HIVEP3: variants seen among roughly 807,000 people sequenced by gnomAD.
HIVEP3 encodes the protein transcription factor HIVEP3.
In HIVEP3, 49 loss-of-function variants were observed where a neutral mutation model predicts 152.8. The ratio of observed to expected loss-of-function variants is 0.32; its 90% confidence interval spans 0.26 to 0.41. The LOEUF (loss-of-function observed/expected upper bound fraction) is 0.41, where lower values mean the gene tolerates loss of function less well. Ranked by LOEUF, HIVEP3 falls within the 10% of genes least tolerant of loss-of-function variation. HIVEP3 has a pLI of 1.00. For synonymous variants in HIVEP3, 1,269 were observed against 1,289.0 expected, an observed-to-expected ratio of 0.98 and a Z score of 0.33; for missense variants, 2,790 against 3,103.3, an observed-to-expected ratio of 0.90 and a Z score of 2.40.
chr1:41,527,718 G>A lies in HIVEP3; in HGVS notation c.5208-2808C>T, dbSNP rs565872882. On this transcript the variant is annotated intron_variant, in intron 5 of 8. Coordinates refer to ENST00000372583, the MANE Select transcript of HIVEP3 (RefSeq NM_024503.5). ...CCCTCACACACCCCCACCCTCACAT[G>A]CTCACCCTCACACATGCACCCTACA... is the stretch of plus-strand genomic sequence containing the variant. Among the ~76,000 whole-genome samples, 12 of 96,512 alleles carry A rather than the reference G, an allele frequency of 1.2e-4. 1 individual carries two copies. In the South Asian group the frequency reaches 4.7e-3, roughly 37 times the overall value. The allele number at this position is 96,512 out of a possible 152,430, so 63.3% of individuals were successfully genotyped here.
Position 41,665,707 on chromosome 1 carries a change from T to TACACACAC in HIVEP3, c.-721+35201_-721+35208dup, listed in dbSNP as rs10530354. On this transcript the variant is annotated intron_variant, in intron 2 of 8. Transcript: ENST00000372583. ...AATGCTTGTTTCCACGGAAATGTTA[T>TACACACAC]ACACACACACACACACACACACACA... 4.5e-3 allele frequency among the ~76,000 whole-genome samples: 571 copies of TACACACAC among 128,010 alleles called. 9 individuals are homozygous for TACACACAC. Among genetic ancestry groups the TACACACAC allele is most frequent in the African/African-American group, 8.4e-3 (271 of 32,180 alleles). 84.0% of individuals were successfully genotyped at this position (128,010 alleles called of 152,430 possible).
At chr1:41,971,570 G>C (rs940150532) in intron 1 of HIVEP3, among the ~76,000 whole-genome samples, 1 of 152,114 alleles carries the variant, frequency 6.6e-6, no homozygotes, top group African/African-American at 2.4e-5. Flanking sequence ...AGCTGGCTTG[G>C]GAGCTCCAGT....
chr1:41,941,223 T>G (rs1645044271), intron 1 of HIVEP3, among the ~76,000 whole-genome samples: 1 of 151,934 alleles, frequency 6.6e-6, no homozygotes, highest in African/African-American at 2.4e-5. Context: ...GTGGGTAGAG[T>G]AGGGCAAGCA....
At chr1:41,603,183 C>T (rs1644771010) in intron 3 of HIVEP3, among the ~76,000 whole-genome samples, 1 of 152,086 alleles carries the variant, frequency 6.6e-6, no homozygotes, top group African/African-American at 2.4e-5. Flanking sequence ...TCTCCTGCCC[C>T]AGCCTCCTGA....
At position 41,511,185 on chromosome 1, in the gene HIVEP3, C is replaced by T; in HGVS notation, c.6487G>A (p.Asp2163Asn). 1 of 1,614,116 alleles carries T rather than the reference C, an allele frequency of 6.2e-7. No individual in the cohort carries two copies. The highest frequency in any genetic ancestry group is 8.5e-7 in the Non-Finnish European group (1 of 1,180,028). Reference sequence around the variant, plus strand: ...CGGGCCAGGATGTGGCCGTGGAAGTCATGGAGGGCGGAGAAGGGTCGGGAG... The same window carrying T: ...CGGGCCAGGATGTGGCCGTGGAAGTTATGGAGGGCGGAGAAGGGTCGGGAG... Reference protein sequence around the residue: ...LSSRPFSALHDFHGHILARTE... With the variant: ...LSSRPFSALHNFHGHILARTE... The change falls in exon 9 of 9, where the codon GAC becomes AAC. Residue 2163 changes from aspartate (D) to asparagine (N), a missense_variant. Around this residue, in one of 9 missense-constraint regions of HIVEP3, gnomAD observed 816 missense variants for 806.5 expected, o/e 1.01. Coordinates refer to ENST00000372583, the MANE Select transcript of HIVEP3 (RefSeq NM_024503.5). The surrounding 1 kb of genome is among the most constrained non-coding windows in gnomAD (Gnocchi z 4.9).
In HIVEP3 at chr1:41,976,025, T is replaced by C. The variant is rs148283231; in HGVS notation, n.120-57501A>G. ...AGCACGTACCAAACTCAGAAATTCA[T>C]CTCAAAACTAGTGGTTTCATCCACT... On this transcript the variant is annotated intron_variant and non_coding_transcript_variant, in intron 1 of 3. Transcript: ENST00000489103. Among the ~76,000 whole-genome samples the C allele has an allele frequency of 7.9e-5, 12 of 152,324 alleles. No homozygotes were observed. The East Asian group carries it at 2.1e-3, about 27-fold the overall frequency.
chr1:41,862,178 T>C (rs187186456), intron 1 of HIVEP3, among the ~76,000 whole-genome samples: 7 of 152,260 alleles, frequency 4.6e-5, no homozygotes, highest in Admixed American at 3.9e-4. Context: ...GCTTCCTCAT[T>C]TCAAAGGGGA....
intron 1 of HIVEP3, among the ~76,000 whole-genome samples, chr1:41,719,752 A>G (rs1172897970): frequency 6.6e-6 from 1 of 152,328 alleles, no homozygotes; most frequent in East Asian, 1.9e-4. Flanking sequence ...GCCCTTCCTC[A>G]GGGTCACTTC....
At position 41,544,662 on chromosome 1, in the gene HIVEP3, A is replaced by G. The variant is rs557212972; in HGVS notation, c.5208-19752T>C. The stretch of plus-strand genomic sequence containing the variant: ...CATCACCACCACCACTACCACCACT[A>G]CTACCACCACCACCACCTCTACCAC... On this transcript the variant is annotated intron_variant, in intron 5 of 8. Coordinates refer to ENST00000372583, the MANE Select transcript of HIVEP3 (RefSeq NM_024503.5). Among the ~76,000 whole-genome samples the G allele has an allele frequency of 8.3e-5, 12 of 144,568 alleles. No homozygotes were observed. The South Asian group carries it at 1.4e-3, about 17-fold the overall frequency. The allele number at this position is 144,568 out of a possible 152,430, so 94.8% of individuals were successfully genotyped here.
intron 1 of HIVEP3, among the ~76,000 whole-genome samples, chr1:41,742,469 A>G (rs1355557071): frequency 1.3e-5 from 2 of 152,228 alleles, no homozygotes; most frequent in Non-Finnish European, 2.9e-5. Context: ...CCTCCCTCCC[A>G]GCATCTGGCT....
intron 1 of HIVEP3, among the ~76,000 whole-genome samples, chr1:41,985,001 G>C (rs1441702133): frequency 6.6e-6 from 1 of 152,080 alleles, no homozygotes; most frequent in Non-Finnish European, 1.5e-5. Context: ...ACCTGCTTTA[G>C]ACAGAATGGC....
At chr1:41,540,824 G>T (rs1467150181) in intron 5 of HIVEP3, among the ~76,000 whole-genome samples, 1 of 152,138 alleles carries the variant, frequency 6.6e-6, no homozygotes, top group Non-Finnish European at 1.5e-5. Flanking sequence ...CTCCCCAACA[G>T]GTCTAGTATT....
chr1:41,585,343 C>T (rs1051286209), intron 3 of HIVEP3, 25 bp from the exon 4 acceptor site: 1 of 398,790 alleles, frequency 2.5e-6, no homozygotes, highest in Non-Finnish European at 4.4e-6. Context: ...TACACACACA[C>T]AGAAATACAC....
Position 41,581,544 on chromosome 1 carries a change from A to C in HIVEP3, c.3254T>G (p.Leu1085Trp). ...GGTGGCCGCAGAGGAAATCTGGGAC[A>C]ATGAGCTTTTGGCAGAGGGTTTACT... Reference protein sequence around the residue: ...SSSKPSAKSSLSQISSAATSH... With the variant: ...SSSKPSAKSSWSQISSAATSH... The change falls in exon 4 of 9, where the codon TTG becomes TGG. Residue 1085 changes from leucine to tryptophan, a missense_variant. Transcript: ENST00000372583. This position sits in a 1 kb window ranked among gnomAD's most constrained non-coding sequence, Gnocchi z 4.5. The C allele has an allele frequency of 1.9e-6, 3 of 1,601,724 alleles. No homozygotes were observed. Among genetic ancestry groups the C allele is most frequent in the Non-Finnish European group, 2.6e-6 (3 of 1,173,936 alleles).
At chr1:41,891,239 C>T (rs1644441132) in intron 1 of HIVEP3, among the ~76,000 whole-genome samples, 1 of 152,020 alleles carries the variant, frequency 6.6e-6, no homozygotes, top group African/African-American at 2.4e-5. Flanking sequence ...TGCAGGAACA[C>T]AGAAAAAAAA....
At chr1:41,712,737 G>A (rs1020419507) in intron 1 of HIVEP3, among the ~76,000 whole-genome samples, 1 of 152,190 alleles carries the variant, frequency 6.6e-6, no homozygotes, top group Non-Finnish European at 1.5e-5. Flanking sequence ...CTGGTCCCCT[G>A]CATGGCCCGG....
intron 1 of HIVEP3, among the ~76,000 whole-genome samples, chr1:41,836,737 C>G (rs1570637601): frequency 6.6e-6 from 1 of 152,194 alleles, no homozygotes; most frequent in African/African-American, 2.4e-5. Context: ...GACTGGCAAA[C>G]CTAAGAGGCA....
chr1:41,599,763 G>A (rs1203890942), intron 3 of HIVEP3, among the ~76,000 whole-genome samples: 1 of 152,108 alleles, frequency 6.6e-6, no homozygotes, highest in Non-Finnish European at 1.5e-5. Flanking sequence ...TTCTATGCGT[G>A]AAAGGACAAC....
intron 5 of HIVEP3, among the ~76,000 whole-genome samples, chr1:41,534,560 G>A (rs984531895): frequency 4.6e-5 from 7 of 152,190 alleles, no homozygotes; most frequent in African/African-American, 1.4e-4. Context: ...CAGACTGTGT[G>A]TACTGCAATG....
Sources: gnomAD v4.1 joint callset for allele counts (sites outside exome capture counted in the v4.1 genomes callset) on GRCh38, gnomAD v4.1.1 for gene constraint, gnomAD v4.1.1 regional missense constraint, Gnocchi (gnomAD v3.1) non-coding constraint, MANE v1.5 for transcripts, NCBI Gene and HGNC (gene_info 2026-07-23, HGNC 2026-07-21) for gene names.